TADA2A: variants seen among roughly 807,000 people sequenced by gnomAD.
TADA2A encodes the protein transcriptional adapter 2-alpha.
Under a neutral mutation model 67.4 loss-of-function variants are expected in TADA2A, and 38 were observed. That is an observed-to-expected ratio of 0.56 (90% confidence interval 0.44 to 0.74). TADA2A has a LOEUF of 0.74. Ranked by LOEUF, TADA2A falls within the 30% of genes least tolerant of loss-of-function variation. The pLI is 0.00. For synonymous variants in TADA2A, 192 were observed against 181.6 expected (o/e 1.06, Z -0.46); for missense variants, 454 against 547.0 (o/e 0.83, Z 1.70).
intron 9 of TADA2A, 99 bp from the exon 10 acceptor site, chr17:37,461,979 A>G (rs2053556502): frequency 5.2e-6 from 5 of 963,290 alleles, no homozygotes; most frequent in South Asian, 1.5e-5. Flanking sequence ...ATTGTATTCC[A>G]CCTCAGCATG....
intron 12 of TADA2A, among the ~76,000 whole-genome samples, chr17:37,470,086 A>G (rs2053753549): frequency 6.6e-6 from 1 of 152,234 alleles, no homozygotes; most frequent in Admixed American, 6.5e-5. Context: ...TGACTATAGT[A>G]AAAGTTGGTT....
At chr17:37,450,640 A>T (rs2147995312) in intron 8 of TADA2A, 1 of 152,340 alleles carries the variant, frequency 6.6e-6, no homozygotes, top group South Asian at 2.1e-4. Context: ...CAATGGACAA[A>T]TTACAGGTGA....
intron 4 of TADA2A, among the ~76,000 whole-genome samples, chr17:37,431,394 A>G (rs1352213626): frequency 6.6e-6 from 1 of 151,906 alleles, no homozygotes; most frequent in East Asian, 1.9e-4. Context: ...TCTCTCTTGG[A>G]TCTCATAATA....
rs894083291 is a variant in TADA2A, at chr17:37,444,560, C to T, written c.532-136C>T. The T allele has an allele frequency of 9.6e-6, 7 of 729,134 alleles. No individual in the cohort carries two copies. In the African/African-American group the frequency reaches 1.1e-4, roughly 11 times the overall value. The allele number at this position is 729,134 out of a possible 1,614,324, so 45.2% of individuals were successfully genotyped here. On this transcript the variant is annotated intron_variant, in intron 7 of 15. Transcript: ENST00000615182. ...CCTATTACCTGTGCCAGTATTGTGG[C>T]CTTTTGCCATATTTAGACTTTTTAA...
intron 1 of TADA2A, among the ~76,000 whole-genome samples, chr17:37,409,277 G>A (rs929608931): frequency 1.3e-5 from 2 of 151,710 alleles, no homozygotes; most frequent in Non-Finnish European, 2.9e-5. Context: ...TGGTAGAGAC[G>A]GGGTTCTCAC....
chr17:37,429,166 C>G (rs551329180), intron 4 of TADA2A, among the ~76,000 whole-genome samples: 9 of 152,116 alleles, frequency 5.9e-5, no homozygotes, highest in Non-Finnish European at 1.0e-4. Flanking sequence ...CTCCTGGGCT[C>G]AAGTGATCCT....
At chr17:37,438,834 C>T (rs977462868) in intron 5 of TADA2A, among the ~76,000 whole-genome samples, 2 of 152,130 alleles carry the variant, frequency 1.3e-5, no homozygotes, top group African/African-American at 4.8e-5. Context: ...GTCCTCCTTC[C>T]CTCTTAACAA....
intron 1 of TADA2A, among the ~76,000 whole-genome samples, chr17:37,410,155 GTACTCC>G: frequency 6.6e-6 from 1 of 151,898 alleles, no homozygotes; most frequent in South Asian, 2.1e-4. Context: ...GTTGCAATGA[GTACTCC>G]AGCCTGGGCA....
At chr17:37,446,436 C>G (rs760229401) in intron 8 of TADA2A, among the ~76,000 whole-genome samples, 9 of 151,936 alleles carry the variant, frequency 5.9e-5, no homozygotes, top group African/African-American at 2.2e-4. Context: ...GGGGCAGCTT[C>G]ATAAATATCA....
At chr17:37,417,495 T>C (rs1178682685) in intron 2 of TADA2A, among the ~76,000 whole-genome samples, 1 of 152,092 alleles carries the variant, frequency 6.6e-6, no homozygotes, top group Non-Finnish European at 1.5e-5. Context: ...AAGTTTACTA[T>C]TTGGAAATAA....
At chr17:37,459,384 G>GTGAT (rs1204271681) in intron 9 of TADA2A, among the ~76,000 whole-genome samples, 2 of 150,738 alleles carry the variant, frequency 1.3e-5, no homozygotes, top group Non-Finnish European at 3.0e-5. Flanking sequence ...CTGGGTTCAT[G>GTGAT]TGATTCTCCA....
At position 37,444,696 on chromosome 17, in the gene TADA2A, G is replaced by A. The variant is rs760331528; in HGVS notation, c.532G>A (p.Glu178Lys). 1 of 1,613,756 alleles carries A rather than the reference G, an allele frequency of 6.2e-7. No homozygotes were observed. The highest frequency in any genetic ancestry group is 1.7e-5 in the Admixed American group (1 of 59,946). ...GGGATTTTTTTGTTCCCCTAAACAG[G>A]AATTTGACAATTATGCAGAATGGGA... Reference protein sequence around the residue: ...YMPARADFIEEFDNYAEWDLR... With the variant: ...YMPARADFIEKFDNYAEWDLR... Residue 178 changes from glutamate (E) to lysine (K), a missense_variant and splice_region_variant, in exon 8 of 16, where the codon GAA becomes AAA. Glu to Lys is a moderately conservative substitution (Grantham distance 56). This residue lies in a region of TADA2A where 403 missense variants were observed against 455.5 expected (regional missense o/e 0.88). Transcript: ENST00000615182.
chr17:37,427,040 C>G, intron 4 of TADA2A, 31 bp downstream of exon 4: 1 of 1,546,412 alleles, frequency 6.5e-7, no homozygotes, highest in African/African-American at 1.4e-5. Context: ...AATTTCTGTT[C>G]ACTTTTTTTA....
Position 37,471,103 on chromosome 17 carries a change from C to A in TADA2A, c.1038C>A (p.Gly346=). 2 of 1,614,148 alleles carry A rather than the reference C, an allele frequency of 1.2e-6. No individual in the cohort carries two copies. Among genetic ancestry groups the A allele is most frequent in the Non-Finnish European group, 1.7e-6 (2 of 1,180,022 alleles). The change falls in exon 14 of 16, where the codon GGC becomes GGA. Residue 346 remains glycine (G), a synonymous_variant. Coordinates refer to ENST00000615182, the MANE Select transcript of TADA2A (RefSeq NM_001166105.3). ...WLRRQADIDS[G]LSPSIPMASN... is the part of the protein sequence containing the mutation. Reference sequence around the variant, plus strand: ...CTCTTCTTCGTTGTAGTGATTCCGGCCTGAGTCCTTCCATTCCAATGGCTT... The same window carrying A: ...CTCTTCTTCGTTGTAGTGATTCCGGACTGAGTCCTTCCATTCCAATGGCTT...
chr17:37,435,214 C>T (rs2052686274), intron 4 of TADA2A, among the ~76,000 whole-genome samples: 1 of 152,192 alleles, frequency 6.6e-6, no homozygotes, highest in African/African-American at 2.4e-5. Flanking sequence ...TTGTAAGATA[C>T]AACACATGAG....
At chr17:37,451,491 T>C (rs2053231767) in intron 8 of TADA2A, among the ~76,000 whole-genome samples, 1 of 151,592 alleles carries the variant, frequency 6.6e-6, no homozygotes, top group African/African-American at 2.4e-5. Flanking sequence ...GCTATATTTT[T>C]GGTACATTTT....
At chr17:37,407,443 T>C (rs2051617468) in intron 1 of TADA2A, 1 of 152,360 alleles carries the variant, frequency 6.6e-6, no homozygotes, top group Non-Finnish European at 1.5e-5. Flanking sequence ...CCTGCGCCTT[T>C]CCTCCTCCCA....
chr17:37,416,226 C>A (rs969489808), intron 2 of TADA2A, among the ~76,000 whole-genome samples: 60 of 151,148 alleles, frequency 4.0e-4, no homozygotes, highest in African/African-American at 1.3e-3. Context: ...TCAAGCGATT[C>A]TCCTGCCTCA....
At chr17:37,444,902 C>A in intron 8 of TADA2A, 134 bp downstream of exon 8, 2 of 788,314 alleles carry the variant, frequency 2.5e-6, no homozygotes, top group Non-Finnish European at 4.1e-6. Flanking sequence ...GGTTAAGTTG[C>A]TGAACTTACT....
Sources: gnomAD v4.1 joint callset for allele counts (sites outside exome capture counted in the v4.1 genomes callset) on GRCh38, gnomAD v4.1.1 for gene constraint, gnomAD v4.1.1 regional missense constraint, MANE v1.5 for transcripts, NCBI Gene and HGNC (gene_info 2026-07-23, HGNC 2026-07-21) for gene names.